KLF7: variants seen among roughly 807,000 people sequenced by gnomAD.
KLF7 encodes KLF transcription factor 7, also known as Krueppel-like factor 7.
KLF7 carries 2 observed loss-of-function variants against 27.3 expected under a neutral mutation model. That is an observed-to-expected ratio of 0.07 (90% CI 0.03 to 0.23). The LOEUF (loss-of-function observed/expected upper bound fraction) is 0.23. Ranked by LOEUF, KLF7 falls within the 10% of genes least tolerant of loss-of-function variation. KLF7 has a pLI of 1.00. For synonymous variants in KLF7, 165 were observed against 162.4 expected (o/e 1.02, Z -0.12); for missense variants, 221 against 394.1 (o/e 0.56, Z 3.72).
chr2:207,093,248 A>G (rs1187012881), intron 2 of KLF7, among the ~76,000 whole-genome samples: 1 of 152,246 alleles, frequency 6.6e-6, no homozygotes, highest in Non-Finnish European at 1.5e-5. Context: ...AGATGAAATT[A>G]AAGTGTAAAA....
chr2:207,082,914 A>G (rs1231922771), intron 3 of KLF7, among the ~76,000 whole-genome samples: 2 of 152,176 alleles, frequency 1.3e-5, no homozygotes, highest in Non-Finnish European at 2.9e-5. Flanking sequence ...TTAAATAGGC[A>G]CATGTGTAGG....
chr2:207,088,372 T>G, intron 3 of KLF7, 86 bp downstream of exon 3: 1 of 1,480,152 alleles, frequency 6.8e-7, no homozygotes, highest in Non-Finnish European at 9.2e-7. Flanking sequence ...AGACCTGTGA[T>G]AAGTCCAAGC....
intron 1 of KLF7, among the ~76,000 whole-genome samples, chr2:207,144,080 CT>C (rs35011297): frequency 0.61 from 92,789 of 151,054 alleles, 28,848 homozygotes; most frequent in Non-Finnish European, 0.65. Flanking sequence ...GAGGCAACTG[CT>C]TGTGTAAGCG....
At chr2:207,155,851 G>A (rs778370560) in intron 1 of KLF7, among the ~76,000 whole-genome samples, 56 of 152,198 alleles carry the variant, frequency 3.7e-4, no homozygotes, top group Non-Finnish European at 7.5e-4. Flanking sequence ...AAGGCAGGGG[G>A]TGTTGGGGTG....
chr2:207,113,607 TGGGGGGG>T (rs532527898), intron 2 of KLF7, among the ~76,000 whole-genome samples: 1 of 64,446 alleles, frequency 1.6e-5, no homozygotes, highest in Non-Finnish European at 3.1e-5. Flanking sequence ...GAATGGGGGG[TGGGGGGG>T]GGGGGGAAAT....
intron 3 of KLF7, among the ~76,000 whole-genome samples, chr2:207,083,248 C>A (rs764372537): frequency 6.6e-6 from 1 of 152,142 alleles, no homozygotes; most frequent in African/African-American, 2.4e-5. Flanking sequence ...TAATTCATGT[C>A]CTGAGGGTAC....
At chr2:207,120,797 T>C (rs1189292985) in intron 2 of KLF7, 4 of 152,232 alleles carry the variant, frequency 2.6e-5, no homozygotes, top group African/African-American at 9.6e-5. Flanking sequence ...CCATTTCCTT[T>C]ATATGTTTGC....
At chr2:207,142,272 T>A (rs563512479) in intron 1 of KLF7, among the ~76,000 whole-genome samples, 6 of 152,332 alleles carry the variant, frequency 3.9e-5, no homozygotes, top group Admixed American at 1.3e-4. Flanking sequence ...AATAAGATAA[T>A]GAATGCCTGG....
chr2:207,127,944 T>C (rs911476116), intron 1 of KLF7, among the ~76,000 whole-genome samples: 1 of 152,192 alleles, frequency 6.6e-6, no homozygotes, highest in African/African-American at 2.4e-5. Flanking sequence ...AATAAATGTG[T>C]ATATCCATGT....
At chr2:207,127,713 C>T (rs111711700) in intron 1 of KLF7, among the ~76,000 whole-genome samples, 3 of 151,788 alleles carry the variant, frequency 2.0e-5, no homozygotes, top group Non-Finnish European at 2.9e-5. Flanking sequence ...TGTGGTGGTG[C>T]GCACCTGTAA....
rs1210905513 is a variant in KLF7 at position 207,075,082 on chromosome 2, A to G, written c.*6131T>C. 6.6e-6 allele frequency: 1 copy of G among 152,246 alleles called. No homozygotes were observed. Among genetic ancestry groups the G allele is most frequent in the Non-Finnish European group, 1.5e-5 (1 of 68,042 alleles). 9.4% of individuals were successfully genotyped at this position (152,246 alleles called of 1,614,324 possible). On this transcript the variant is annotated 3_prime_UTR_variant, in exon 4 of 4. Transcript: ENST00000309446. ...GAAACAAGCTAAGGAGAAATACAGT[A>G]AAGTATTCCAAGGCCAAACACATTC...
intron 2 of KLF7, among the ~76,000 whole-genome samples, chr2:207,090,108 G>A (rs991141370): frequency 1.3e-5 from 2 of 152,092 alleles, no homozygotes; most frequent in Non-Finnish European, 2.9e-5. Context: ...GTGCCCTAGT[G>A]AGCCACTGCT....
In KLF7 at chr2:207,134,140, C is replaced by T. The variant is rs1018462810; in HGVS notation, c.103-9736G>A. On this transcript the variant is annotated intron_variant, in intron 1 of 3. Transcript: ENST00000309446. ...CTCCCAAATCACTTGCACAGGCTGA[C>T]TCGGGCTACTGGGATTTTTTTTTTT... 5.4e-6 allele frequency: 8 copies of T among 1,488,282 alleles called. No individual in the cohort carries two copies. In the African/African-American group the frequency reaches 1.2e-4, roughly 22 times the overall value. 92.2% of individuals were successfully genotyped at this position (1,488,282 alleles called of 1,614,324 possible). A position where few individuals can be genotyped will look rare whatever the true frequency, so the allele number is the denominator to read the frequency against.
At chr2:207,166,393 C>G (rs558732524), upstream of KLF7, 94 of 161,226 alleles carry the variant, frequency 5.8e-4, no homozygotes, top group African/African-American at 2.1e-3. Context: ...GGCCGGGCAG[C>G]GCGAGCGCAA....
intron 1 of KLF7, among the ~76,000 whole-genome samples, chr2:207,163,737 T>C (rs2078615652): frequency 6.6e-6 from 1 of 152,232 alleles, no homozygotes; most frequent in Non-Finnish European, 1.5e-5. Context: ...GCTGACTAAA[T>C]CAACAGATTC....
At chr2:207,090,026 C>T (rs1052422849) in intron 2 of KLF7, among the ~76,000 whole-genome samples, 1 of 152,140 alleles carries the variant, frequency 6.6e-6, no homozygotes, top group Non-Finnish European at 1.5e-5. Flanking sequence ...GACTACAAAG[C>T]ATTCACAATT....
chr2:207,140,232 T>C (rs2077903077), intron 1 of KLF7, among the ~76,000 whole-genome samples: 1 of 152,178 alleles, frequency 6.6e-6, no homozygotes, highest in Non-Finnish European at 1.5e-5. Flanking sequence ...ACACAATTTA[T>C]TGAAGACCTT....
intron 1 of KLF7, among the ~76,000 whole-genome samples, chr2:207,161,259 A>G (rs1256365545): frequency 6.6e-6 from 1 of 152,248 alleles, no homozygotes; most frequent in African/African-American, 2.4e-5. Flanking sequence ...AATTCTGGGT[A>G]ACGGGCAGTT....
At chr2:207,147,163 T>G (rs1352954392) in intron 1 of KLF7, among the ~76,000 whole-genome samples, 1 of 152,214 alleles carries the variant, frequency 6.6e-6, no homozygotes, top group African/African-American at 2.4e-5. Flanking sequence ...GCAATTGTAC[T>G]GTAATTATAG....
Sources: gnomAD v4.1 joint callset for allele counts (sites outside exome capture counted in the v4.1 genomes callset) on GRCh38, gnomAD v4.1.1 for gene constraint, MANE v1.5 for transcripts, NCBI Gene and HGNC (gene_info 2026-07-23, HGNC 2026-07-21) for gene names.